The following SLC16A12 variants were observed in gnomAD, a reference collection of about 807,000 sequenced individuals.
SLC16A12 encodes the protein solute carrier family 16 member 12.
In SLC16A12, 17 loss-of-function variants were observed where a neutral mutation model predicts 42.4. The ratio of observed to expected loss-of-function variants is 0.40; its 90% CI spans 0.27 to 0.60. SLC16A12 has a LOEUF of 0.60. Among genes scored for constraint, SLC16A12 ranks in the 20% least tolerant of loss-of-function variants. The pLI is 0.42. For synonymous variants in SLC16A12, 224 were observed against 229.4 expected (o/e 0.98, Z 0.21); for missense variants, 544 against 623.0 (o/e 0.87, Z 1.35).
At chr10:89,539,857 TTTTCTTTCTTTC>T (rs71022573), upstream of SLC16A12, among the ~76,000 whole-genome samples, 533 of 127,952 alleles carry the variant, frequency 4.2e-3, 2 homozygotes, top group African/African-American at 0.011. Flanking sequence ...AGAAACAAAT[TTTTCTTTCTTTC>T]TTTCTTTCTT....
intron 2 of SLC16A12, among the ~76,000 whole-genome samples, chr10:89,483,619 T>C (rs1442779134): frequency 6.6e-6 from 1 of 151,962 alleles, no homozygotes; most frequent in African/African-American, 2.4e-5. Context: ...TCCACCTACT[T>C]AATAGGCTAA....
At chr10:89,550,856 T>C (rs1481866731) in intron 2 of SLC16A12, among the ~76,000 whole-genome samples, 1 of 152,160 alleles carries the variant, frequency 6.6e-6, no homozygotes, top group African/African-American at 2.4e-5. Flanking sequence ...TTAATTGCAT[T>C]TTGTTGTTGT....
intron 2 of SLC16A12, among the ~76,000 whole-genome samples, chr10:89,525,557 A>C (rs1843437262): frequency 6.6e-6 from 1 of 152,230 alleles, no homozygotes; most frequent in Non-Finnish European, 1.5e-5. Flanking sequence ...TCCCTTAATC[A>C]CTGGAACACT....
chr10:89,555,492 T>C (rs965898664), intron 2 of SLC16A12, among the ~76,000 whole-genome samples: 3 of 146,944 alleles, frequency 2.0e-5, no homozygotes, highest in Admixed American at 6.9e-5. Context: ...TATACGTATA[T>C]ATACGTATAT....
intron 2 of SLC16A12, among the ~76,000 whole-genome samples, chr10:89,498,015 T>C (rs1842946089): frequency 6.6e-6 from 1 of 152,062 alleles, no homozygotes; most frequent in African/African-American, 2.4e-5. Flanking sequence ...CTAGTAAAAA[T>C]AAAGATAGTA....
intron 2 of SLC16A12, among the ~76,000 whole-genome samples, chr10:89,513,429 A>G (rs903798427): frequency 6.6e-6 from 1 of 152,218 alleles, no homozygotes; most frequent in Non-Finnish European, 1.5e-5. Context: ...TGCATTCCTG[A>G]TGGTTCTTCC....
chr10:89,519,899 G>T (rs1355885651), intron 2 of SLC16A12, among the ~76,000 whole-genome samples: 3 of 152,224 alleles, frequency 2.0e-5, no homozygotes, highest in Non-Finnish European at 4.4e-5. Flanking sequence ...CAGATCACAA[G>T]GTCAGGAGTT....
At chr10:89,439,915 A>C (rs968561064) in intron 5 of SLC16A12, among the ~76,000 whole-genome samples, 1 of 151,596 alleles carries the variant, frequency 6.6e-6, no homozygotes, top group Non-Finnish European at 1.5e-5. Flanking sequence ...CTGCAAAAAA[A>C]AATACAAAAA....
At chr10:89,526,025 A>C (rs1050069516) in intron 2 of SLC16A12, among the ~76,000 whole-genome samples, 1 of 152,188 alleles carries the variant, frequency 6.6e-6, no homozygotes, top group African/African-American at 2.4e-5. Flanking sequence ...TTCAACCTGC[A>C]TGTAGAAGGG....
intron 2 of SLC16A12, among the ~76,000 whole-genome samples, chr10:89,503,205 T>C (rs1282646298): frequency 6.6e-6 from 1 of 152,242 alleles, no homozygotes; most frequent in Non-Finnish European, 1.5e-5. Flanking sequence ...CTTTTCTTTT[T>C]CACGTTATTT....
In SLC16A12 at chr10:89,433,171, G is replaced by T. The variant is rs867769256; in HGVS notation, c.1444C>A (p.Leu482Met). Residue 482 changes from leucine (L) to methionine (M), a missense_variant, in exon 8 of 8, where the codon CTG becomes ATG. Coordinates refer to ENST00000371790, the MANE Select transcript of SLC16A12 (RefSeq NM_213606.4). ...ACTGATCCATTGGTCCATAGCTGCA[G>T]CTTAGGATCAGATTCTTTGGCAATG... ...QFIAKESDPK[L>M]QLWTNGSVAY... The T allele has an allele frequency of 1.2e-6, 2 of 1,614,064 alleles. No individual in the cohort carries two copies. Among genetic ancestry groups the T allele is most frequent in the African/African-American group, 2.7e-5 (2 of 74,920 alleles).
intron 2 of SLC16A12, among the ~76,000 whole-genome samples, chr10:89,533,925 T>C (rs145526230): frequency 2.8e-4 from 42 of 152,146 alleles, no homozygotes; most frequent in Non-Finnish European, 5.4e-4. Context: ...CTAGAGGCAA[T>C]ATGCCTTGGA....
chr10:89,460,603 T>C (rs1842282653), intron 3 of SLC16A12, among the ~76,000 whole-genome samples: 1 of 151,768 alleles, frequency 6.6e-6, no homozygotes, highest in Admixed American at 6.6e-5. Flanking sequence ...TGTATCCCAG[T>C]ACAAAATTTT....
intron 2 of SLC16A12, among the ~76,000 whole-genome samples, chr10:89,513,338 C>T (rs548375732): frequency 2.4e-4 from 37 of 152,290 alleles, no homozygotes; most frequent in African/African-American, 8.9e-4. Flanking sequence ...CCAATCCCCT[C>T]TTGTTGGACA....
At chr10:89,533,789 A>G (rs999967884) in intron 2 of SLC16A12, among the ~76,000 whole-genome samples, 1 of 151,972 alleles carries the variant, frequency 6.6e-6, no homozygotes, top group Non-Finnish European at 1.5e-5. Context: ...CACAAAAGCA[A>G]TTTGATTAAA....
rs558845718 is a variant in SLC16A12 at position 89,460,051 on chromosome 10, G to T, written c.200+2328C>A. On this transcript the variant is annotated intron_variant, in intron 3 of 7. Coordinates refer to ENST00000371790, the MANE Select transcript of SLC16A12 (RefSeq NM_213606.4). ...AAGGCTCACATGAGGCAATGTGATTGGAAGACTTATCTTAGTATCTCATCT... is the reference window on the plus strand; with the variant it reads ...AAGGCTCACATGAGGCAATGTGATTTGAAGACTTATCTTAGTATCTCATCT... Among the ~76,000 whole-genome samples, 126 of 152,296 alleles carry T rather than the reference G, an allele frequency of 8.3e-4. 1 individual carries two copies. The highest frequency in any genetic ancestry group is 2.8e-3 in the African/African-American group (116 of 41,568).
intron 2 of SLC16A12, among the ~76,000 whole-genome samples, chr10:89,471,639 G>C (rs1842496436): frequency 6.6e-6 from 1 of 152,150 alleles, no homozygotes; most frequent in Non-Finnish European, 1.5e-5. Context: ...ATTCTCTTGA[G>C]TAAACCCCTA....
At chr10:89,444,909 T>C (rs1841974304) in intron 3 of SLC16A12, among the ~76,000 whole-genome samples, 2 of 152,338 alleles carry the variant, frequency 1.3e-5, no homozygotes, top group Non-Finnish European at 2.9e-5. Flanking sequence ...ACTATGCTTT[T>C]CCAATGGTCT....
intron 3 of SLC16A12, among the ~76,000 whole-genome samples, chr10:89,456,408 G>A (rs1292047233): frequency 2.6e-5 from 4 of 152,118 alleles, no homozygotes; most frequent in African/African-American, 9.7e-5. Context: ...GACCTGGAGG[G>A]GGACAGGGTT....
Sources: allele counts gnomAD v4.1 joint callset (sites outside exome capture counted in the v4.1 genomes callset), GRCh38; gene constraint gnomAD v4.1.1; transcripts MANE v1.5; gene names NCBI Gene and HGNC (gene_info 2026-07-23, HGNC 2026-07-21).